The following ADCY1 variants were observed in gnomAD, a reference collection of about 807,000 sequenced individuals.
ADCY1 encodes the protein adenylate cyclase type 1.
Under a neutral mutation model 105.4 loss-of-function variants are expected in ADCY1, and 28 were observed. That is an observed-to-expected ratio of 0.27 (90% CI 0.20 to 0.36). The LOEUF is 0.36. ADCY1 is among the 10% of genes least tolerant of loss of function. The pLI, the probability that ADCY1 is intolerant of heterozygous loss-of-function variation, is 1.00. For missense variants in ADCY1, 977 were observed against 1,434.2 expected, an observed-to-expected ratio of 0.68 and a Z score of 5.15; for synonymous variants, 655 against 623.8, an observed-to-expected ratio of 1.05 and a Z score of -0.75.
intron 11 of ADCY1, among the ~76,000 whole-genome samples, chr7:45,682,939 G>A (rs146258607): frequency 9.2e-5 from 14 of 152,286 alleles, no homozygotes; most frequent in Admixed American, 3.9e-4. Context: ...GAGACAGCCC[G>A]AGGGCTTCAT....
rs201437728 is a variant in ADCY1 at position 45,713,723 on chromosome 7, A to C, written c.3088A>C (p.Arg1030=). The change falls in exon 20 of 20, where the codon AGG becomes CGG. Residue 1030 remains arginine, a synonymous_variant. Transcript: ENST00000297323. ...VTEEVHRLLR[R]CPYHFVCRGK... is the part of the protein sequence containing the mutation. ...TGAGGAAGTCCACCGGCTGCTGAGAAGGTGCCCCTACCACTTTGTGTGCCG... is the reference window on the plus strand; with the variant it reads ...TGAGGAAGTCCACCGGCTGCTGAGACGGTGCCCCTACCACTTTGTGTGCCG... 11 of 780,540 alleles carry C rather than the reference A, an allele frequency of 1.4e-5. No homozygotes were observed. Among genetic ancestry groups the C allele is most frequent in the Non-Finnish European group, 2.6e-5 (11 of 418,116 alleles). The allele number at this position is 780,540 out of a possible 1,614,324, so 48.4% of individuals were successfully genotyped here.
intron 1 of ADCY1, among the ~76,000 whole-genome samples, chr7:45,585,880 G>T (rs1756250311): frequency 6.6e-6 from 1 of 152,284 alleles, no homozygotes; most frequent in African/African-American, 2.4e-5. Context: ...GGTGGGTGGG[G>T]GTGGACAAGC....
chr7:45,708,413 G>A lies in ADCY1; in HGVS notation c.2881G>A (p.Val961Ile), dbSNP rs373406969. The A allele has an allele frequency of 7.1e-5, 115 of 1,614,054 alleles. No individual in the cohort carries two copies. The highest frequency in any genetic ancestry group is 8.6e-5 in the Non-Finnish European group (101 of 1,180,018). ...LADFAIEMFD[V>I]LDEINYQSYN... ...GGACTTTGCCATTGAGATGTTTGAC[G>A]TTCTGGATGAAATCAACTACCAGTC... Residue 961 changes from valine to isoleucine, a missense_variant, in exon 18 of 20, where the codon GTT (valine) becomes ATT (isoleucine). Physicochemically the swap from Val to Ile is conservative, Grantham distance 29. Around this residue, in one of 7 missense-constraint regions of ADCY1, gnomAD observed 152 missense variants for 293.7 expected, o/e 0.52. Coordinates refer to ENST00000297323, the MANE Select transcript of ADCY1 (RefSeq NM_021116.4). The surrounding 1 kb of genome is among the most constrained non-coding windows in gnomAD (Gnocchi z 4.7).
intron 7 of ADCY1, among the ~76,000 whole-genome samples, 166 bp downstream of exon 7, chr7:45,660,349 C>T (rs1795061273): frequency 1.3e-5 from 2 of 152,210 alleles, no homozygotes; most frequent in Admixed American, 6.5e-5. Context: ...TGAGCCTTGT[C>T]TCTTACTGGT....
chr7:45,676,925 T>A (rs187173816), intron 8 of ADCY1, among the ~76,000 whole-genome samples: 1 of 151,962 alleles, frequency 6.6e-6, no homozygotes, highest in Non-Finnish European at 1.5e-5. Flanking sequence ...CCTTTTTTTT[T>A]CTTTGGCTAG....
intron 19 of ADCY1, among the ~76,000 whole-genome samples, chr7:45,711,913 A>T (rs371928381): frequency 9.0e-6 from 1 of 110,678 alleles, no homozygotes. Context: ...TAAATATATA[A>T]ATATATTATA....
At chr7:45,623,328 A>T (rs1257235284) in intron 4 of ADCY1, among the ~76,000 whole-genome samples, 1 of 152,234 alleles carries the variant, frequency 6.6e-6, no homozygotes, top group Non-Finnish European at 1.5e-5. Context: ...GGCCATACCA[A>T]CAGCGTTGGC....
chr7:45,622,816 C>A, intron 4 of ADCY1, 73 bp downstream of exon 4: 1 of 1,221,900 alleles, frequency 8.2e-7, no homozygotes, highest in Non-Finnish European at 1.2e-6. Context: ...CAGGTGGATT[C>A]CCTGTATTTG....
rs1018471587 is a variant in ADCY1, at chr7:45,693,328, T to C, written c.2454+6655T>C. 4.5e-4 allele frequency among the ~76,000 whole-genome samples: 66 copies of C among 146,152 alleles called. 1 individual carries two copies. The highest frequency in any genetic ancestry group is 1.4e-4 in the Admixed American group (2 of 14,490). ...GTTGTGTCTCTGCCCGGCTTTGGTA[T>C]CAGAATGATGCTGGCCTCATAAAAT... On this transcript the variant is annotated intron_variant, in intron 14 of 19. Coordinates refer to ENST00000297323, the MANE Select transcript of ADCY1 (RefSeq NM_021116.4).
intron 11 of ADCY1, chr7:45,684,294 C>T (rs562827322): frequency 6.6e-6 from 1 of 152,272 alleles, no homozygotes; most frequent in Non-Finnish European, 1.5e-5. Flanking sequence ...ACCTTTTTCT[C>T]AACTGTAGAG....
intron 8 of ADCY1, among the ~76,000 whole-genome samples, chr7:45,669,622 G>C (rs1304544429): frequency 6.6e-6 from 1 of 152,188 alleles, no homozygotes; most frequent in South Asian, 2.1e-4. Flanking sequence ...TTGGAGTGGA[G>C]AGTTCTGCGT....
At chr7:45,696,348 A>G (rs968661687) in intron 14 of ADCY1, among the ~76,000 whole-genome samples, 6 of 145,038 alleles carry the variant, frequency 4.1e-5, no homozygotes, top group Admixed American at 7.1e-5. Context: ...CTGAGGCAGG[A>G]GAATGGCGTG....
intron 2 of ADCY1, among the ~76,000 whole-genome samples, chr7:45,599,328 C>T (rs763927836): frequency 6.6e-6 from 1 of 151,826 alleles, no homozygotes; most frequent in Non-Finnish European, 1.5e-5. Flanking sequence ...CATGCTGAGG[C>T]GTCTTGTTCC....
Position 45,722,139 on chromosome 7 carries a change from A to G in ADCY1, c.*8144A>G. 1 of 293,370 alleles carries G rather than the reference A, an allele frequency of 3.4e-6. No homozygotes were observed. Among genetic ancestry groups the G allele is most frequent in the Non-Finnish European group, 6.3e-6 (1 of 159,252 alleles). The allele number at this position is 293,370 out of a possible 1,614,324, so 18.2% of individuals were successfully genotyped here. ...CACGAAGCACAAGTCTCAGGGGACCATTCCCACATTGGGGGATCCTGAGGG... is the reference window on the plus strand; with the variant it reads ...CACGAAGCACAAGTCTCAGGGGACCGTTCCCACATTGGGGGATCCTGAGGG... On this transcript the variant is annotated 3_prime_UTR_variant, in exon 20 of 20. Coordinates refer to ENST00000297323, the MANE Select transcript of ADCY1 (RefSeq NM_021116.4).
At chr7:45,578,021 T>C (rs1792400018) in intron 1 of ADCY1, among the ~76,000 whole-genome samples, 1 of 152,218 alleles carries the variant, frequency 6.6e-6, no homozygotes, top group Non-Finnish European at 1.5e-5. Context: ...CTCTCAGGGT[T>C]CCCTGCAGCA....
chr7:45,595,512 C>T (rs1235254576), intron 2 of ADCY1, among the ~76,000 whole-genome samples: 1 of 152,210 alleles, frequency 6.6e-6, no homozygotes, highest in Admixed American at 6.5e-5. Flanking sequence ...CATGCTTGTT[C>T]ACCTTCTGTA....
intron 2 of ADCY1, among the ~76,000 whole-genome samples, chr7:45,601,394 G>A (rs1020884455): frequency 7.2e-5 from 11 of 152,192 alleles, no homozygotes; most frequent in Admixed American, 1.3e-4. Context: ...GTGGCTGGTT[G>A]TGGGTGATGA....
At chr7:45,652,312 A>G (rs886699192) in intron 5 of ADCY1, among the ~76,000 whole-genome samples, 1 of 152,198 alleles carries the variant, frequency 6.6e-6, no homozygotes, top group Admixed American at 6.5e-5. Flanking sequence ...GGCTGGTTGG[A>G]AGATTCTTGA....
chr7:45,680,920 G>A (rs909275174), intron 11 of ADCY1, among the ~76,000 whole-genome samples: 11 of 152,224 alleles, frequency 7.2e-5, no homozygotes, highest in Non-Finnish European at 5.9e-5. Flanking sequence ...CAAGGAATGC[G>A]CCAGCCTGGA....
Sources: allele counts gnomAD v4.1 joint callset (sites outside exome capture counted in the v4.1 genomes callset), GRCh38; gene constraint gnomAD v4.1.1; regional missense constraint gnomAD v4.1.1; non-coding constraint Gnocchi (gnomAD v3.1); transcripts MANE v1.5; gene names NCBI Gene and HGNC (gene_info 2026-07-23, HGNC 2026-07-21).